Variants in VTI1A observed in about 807,000 individuals in gnomAD.
VTI1A encodes the protein vesicle transport through interaction with t-SNAREs 1A, also known as vesicle transport through interaction with t-SNAREs homolog 1A.
VTI1A carries 22 observed loss-of-function variants against 34.9 expected under a neutral mutation model. That is an observed-to-expected ratio of 0.63 (90% confidence interval 0.45 to 0.90). The LOEUF (loss-of-function observed/expected upper bound fraction) is 0.90. Ranked by LOEUF, VTI1A falls within the 40% of genes least tolerant of loss-of-function variation. VTI1A has a pLI of 0.00. For missense variants in VTI1A, 268 were observed against 275.6 expected (o/e 0.97, Z 0.20); for synonymous variants, 87 against 97.3 (o/e 0.89, Z 0.62).
intron 7 of VTI1A, among the ~76,000 whole-genome samples, chr10:112,723,973 G>A (rs1313843753): frequency 2.6e-5 from 4 of 152,214 alleles, no homozygotes; most frequent in Admixed American, 6.5e-5. Flanking sequence ...TCAAAGGATT[G>A]TAAAGCTGAA....
intron 3 of VTI1A, among the ~76,000 whole-genome samples, chr10:112,480,885 C>G (rs1306331574): frequency 6.6e-6 from 1 of 152,170 alleles, no homozygotes; most frequent in African/African-American, 2.4e-5. Context: ...ACTTGGGCAT[C>G]AGAAGGTTTT....
rs531822816 is a variant in VTI1A, at chr10:112,727,096, A to G, written c.560+58098A>G. 1.5e-3 allele frequency among the ~76,000 whole-genome samples: 221 copies of G among 152,340 alleles called. 1 individual carries two copies. The highest frequency in any genetic ancestry group is 5.1e-3 in the African/African-American group (210 of 41,570). On this transcript the variant is annotated intron_variant, in intron 7 of 7. Transcript: ENST00000393077. ...GCATTTTGGGTGCTGATGAGTTCAC[A>G]AGGTGAGTTGCACGCAGTGGGAGCT...
At chr10:112,524,331 G>T (rs1850139874) in intron 3 of VTI1A, among the ~76,000 whole-genome samples, 2 of 152,050 alleles carry the variant, frequency 1.3e-5, no homozygotes, top group Admixed American at 6.6e-5. Flanking sequence ...TCAGTTTTCA[G>T]CATTGTTGTG....
In VTI1A at chr10:112,687,948, C is replaced by CTT. The variant is rs11442025; in HGVS notation, c.560+18972_560+18973dup. 1.9e-3 allele frequency among the ~76,000 whole-genome samples: 225 copies of CTT among 115,538 alleles called. 2 individuals carry two copies. The highest frequency in any genetic ancestry group is 6.5e-3 in the African/African-American group (192 of 29,314). The allele number at this position is 115,538 out of a possible 152,430, so 75.8% of individuals were successfully genotyped here. A position where few individuals can be genotyped will look rare whatever the true frequency, so the allele number is the denominator to read the frequency against. ...GAACCATCCTGGCCGGTGACCAAGT[C>CTT]TTTTTTTTTTTTTTTTTTTTTTTAA... On this transcript the variant is annotated intron_variant, in intron 7 of 7. Coordinates refer to ENST00000393077, the MANE Select transcript of VTI1A (RefSeq NM_145206.4).
At chr10:112,495,550 A>G (rs1848988730) in intron 3 of VTI1A, among the ~76,000 whole-genome samples, 1 of 152,178 alleles carries the variant, frequency 6.6e-6, no homozygotes, top group African/African-American at 2.4e-5. Context: ...AGAATCAGTA[A>G]TTCACTTTAC....
chr10:112,807,048 G>A (rs1412896770), intron 7 of VTI1A, among the ~76,000 whole-genome samples: 1 of 152,144 alleles, frequency 6.6e-6, no homozygotes, highest in African/African-American at 2.4e-5. Flanking sequence ...CAAAAGCTTC[G>A]GAAGACTGTG....
At chr10:112,560,133 G>C (rs558455846) in intron 5 of VTI1A, among the ~76,000 whole-genome samples, 2 of 152,152 alleles carry the variant, frequency 1.3e-5, no homozygotes, top group South Asian at 2.1e-4. Flanking sequence ...TAGGGTGAGC[G>C]ATGTTTAGTA....
At chr10:112,838,076 C>T in the VTI1A span, among the ~76,000 whole-genome samples, 1 of 152,346 alleles carries the variant, frequency 6.6e-6, no homozygotes, top group South Asian at 2.1e-4. Context: ...AGTGTGAAGG[C>T]CCAGGCACAC....
At chr10:112,641,467 C>G (rs1396371841) in intron 5 of VTI1A, among the ~76,000 whole-genome samples, 1 of 152,058 alleles carries the variant, frequency 6.6e-6, no homozygotes, top group Non-Finnish European at 1.5e-5. Context: ...AGCAAATGAC[C>G]AGGTGATGAT....
At chr10:112,633,194 C>T (rs1035870314) in intron 5 of VTI1A, among the ~76,000 whole-genome samples, 1 of 152,056 alleles carries the variant, frequency 6.6e-6, no homozygotes, top group Non-Finnish European at 1.5e-5. Flanking sequence ...GTGATGAAAG[C>T]CACTTTTCTA....
At position 112,497,325 on chromosome 10, in the gene VTI1A, A is replaced by T. The variant is rs541092352; in HGVS notation, c.265-29762A>T. On this transcript the variant is annotated intron_variant, in intron 3 of 7. Transcript: ENST00000393077. ...AGAGCTAGACTCCGTCTCAAAAAAAAAAAAATAATAATAATAAATAAAGTG... is the reference window on the plus strand; with the variant it reads ...AGAGCTAGACTCCGTCTCAAAAAAATAAAAATAATAATAATAAATAAAGTG... Among the ~76,000 whole-genome samples, 226 of 152,120 alleles carry T rather than the reference A, an allele frequency of 1.5e-3. 4 individuals carry two copies. Among genetic ancestry groups the T allele is most frequent in the Admixed American group, 4.2e-3 (64 of 15,286 alleles).
intron 3 of VTI1A, among the ~76,000 whole-genome samples, chr10:112,502,667 G>A (rs1166155024): frequency 1.3e-5 from 2 of 152,072 alleles, no homozygotes; most frequent in Non-Finnish European, 2.9e-5. Flanking sequence ...TTCCCAACTC[G>A]TGCTTATGAC....
intron 7 of VTI1A, among the ~76,000 whole-genome samples, chr10:112,690,195 G>T (rs1355142252): frequency 6.6e-6 from 1 of 152,058 alleles, no homozygotes; most frequent in Non-Finnish European, 1.5e-5. Flanking sequence ...CCAGTTTGGG[G>T]CTATTTTAAA....
chr10:112,661,071 C>G (rs180931229), intron 5 of VTI1A, among the ~76,000 whole-genome samples: 1 of 152,324 alleles, frequency 6.6e-6, no homozygotes, highest in East Asian at 1.9e-4. Context: ...ACCTCCGCCT[C>G]CTGGGTTCAA....
intron 5 of VTI1A, among the ~76,000 whole-genome samples, chr10:112,547,844 T>TTGTTTGTTTGTTTC (rs1424219422): frequency 6.6e-6 from 1 of 152,082 alleles, no homozygotes; most frequent in Non-Finnish European, 1.5e-5. Context: ...TTGTTTGTTT[T>TTGTTTGTTTGTTTC]TGTTTGTTTG....
chr10:112,537,776 AAATTATGG>A (rs1385660331), intron 4 of VTI1A, among the ~76,000 whole-genome samples: 2 of 152,156 alleles, frequency 1.3e-5, no homozygotes, highest in Non-Finnish European at 2.9e-5. Flanking sequence ...TGCACATCCA[AAATTATGG>A]ATCATTTTCT....
chr10:112,452,818 C>T (rs1847290549), intron 1 of VTI1A, among the ~76,000 whole-genome samples: 1 of 151,542 alleles, frequency 6.6e-6, no homozygotes, highest in South Asian at 2.1e-4. Context: ...ACGGAGAATC[C>T]CATATACCCC....
chr10:112,543,451 T>C (rs1329101861), intron 5 of VTI1A, among the ~76,000 whole-genome samples: 1 of 152,268 alleles, frequency 6.6e-6, no homozygotes, highest in East Asian at 1.9e-4. Context: ...TTTTTTCATA[T>C]GTCTGTTGGC....
intron 3 of VTI1A, among the ~76,000 whole-genome samples, chr10:112,470,122 A>T (rs1241637859): frequency 1.3e-5 from 2 of 152,196 alleles, no homozygotes; most frequent in Non-Finnish European, 2.9e-5. Flanking sequence ...AGTTGTGTAG[A>T]ACAGGAGGGT....
Sources: allele counts gnomAD v4.1 joint callset (sites outside exome capture counted in the v4.1 genomes callset), GRCh38; gene constraint gnomAD v4.1.1; transcripts MANE v1.5; gene names NCBI Gene and HGNC (gene_info 2026-07-23, HGNC 2026-07-21).